C9orf153: variants seen among roughly 807,000 people sequenced by gnomAD.
C9orf153 encodes chromosome 9 open reading frame 153.
A neutral mutation model predicts 9.0 loss-of-function variants in C9orf153; 10 were observed. The observed-to-expected ratio is 1.11, with a 90% CI of 0.69 to 1.89. The LOEUF (loss-of-function observed/expected upper bound fraction) is 1.89. Ranked by LOEUF, C9orf153 falls within the 40% of genes most tolerant of loss-of-function variation. C9orf153 has a pLI of 0.00. For synonymous variants in C9orf153, 35 were observed against 37.3 expected (o/e 0.94, Z 0.23); for missense variants, 108 against 111.0 (o/e 0.97, Z 0.12).
At chr9:86,231,406 C>G (rs1421863798) in intron 1 of C9orf153, among the ~76,000 whole-genome samples, 1 of 152,050 alleles carries the variant, frequency 6.6e-6, no homozygotes, top group Admixed American at 6.6e-5. Context: ...TTTCTAGGTA[C>G]AGGGTACCAC....
At chr9:86,235,832 A>G (rs752007089) in intron 1 of C9orf153, among the ~76,000 whole-genome samples, 1 of 151,770 alleles carries the variant, frequency 6.6e-6, no homozygotes, top group Non-Finnish European at 1.5e-5. Context: ...TTGTGGGACA[A>G]TTACAAAAGG....
At chr9:86,234,799 A>G (rs930379813) in intron 1 of C9orf153, among the ~76,000 whole-genome samples, 7 of 152,230 alleles carry the variant, frequency 4.6e-5, no homozygotes, top group African/African-American at 1.7e-4. Flanking sequence ...TTTACAAATC[A>G]TACATCTGAC....
intron 1 of C9orf153, among the ~76,000 whole-genome samples, chr9:86,244,338 T>G (rs1349207870): frequency 1.3e-5 from 2 of 152,196 alleles, no homozygotes; most frequent in Non-Finnish European, 2.9e-5. Flanking sequence ...TCTCTTATAG[T>G]GCTGGGATTA....
chr9:86,227,440 C>A, intron 3 of C9orf153: 1 of 1,443,132 alleles, frequency 6.9e-7, no homozygotes, highest in African/African-American at 1.4e-5. Context: ...AACCTCAGAA[C>A]TACAAAATTG....
chr9:86,238,465 T>G (rs891996002), intron 1 of C9orf153, among the ~76,000 whole-genome samples: 1 of 152,214 alleles, frequency 6.6e-6, no homozygotes, highest in African/African-American at 2.4e-5. Flanking sequence ...TTAAGTTAGA[T>G]GCCAATAACA....
intron 1 of C9orf153, among the ~76,000 whole-genome samples, chr9:86,250,809 C>G (rs1824977596): frequency 6.6e-6 from 1 of 152,132 alleles, no homozygotes; most frequent in Non-Finnish European, 1.5e-5. Flanking sequence ...AACGTAGGAA[C>G]AAAGGGAAAG....
chr9:86,247,981 C>CA (rs1824906265), intron 1 of C9orf153, among the ~76,000 whole-genome samples: 1 of 152,194 alleles, frequency 6.6e-6, no homozygotes, highest in Non-Finnish European at 1.5e-5. Context: ...TGGTGGGACT[C>CA]ACGGACTTTG....
At chr9:86,222,134 C>T (rs553347911) in intron 3 of C9orf153, among the ~76,000 whole-genome samples, 88 of 152,164 alleles carry the variant, frequency 5.8e-4, no homozygotes, top group Non-Finnish European at 8.5e-4. Flanking sequence ...GTGATCCACC[C>T]GCCTCAGACT....
chr9:86,254,351 CTT>C (rs887753732), intron 1 of C9orf153, among the ~76,000 whole-genome samples: 110 of 152,254 alleles, frequency 7.2e-4, no homozygotes, highest in African/African-American at 2.5e-3. Context: ...ATTTTGCTGA[CTT>C]GGAATTATTA....
chr9:86,229,398 A>G (rs1824412719), intron 2 of C9orf153, 140 bp downstream of exon 2: 1 of 583,700 alleles, frequency 1.7e-6, no homozygotes, highest in East Asian at 3.0e-5. Context: ...GTGACTAAGA[A>G]TGTTAAGTCA....
chr9:86,244,107 T>C (rs1824811578), intron 1 of C9orf153, among the ~76,000 whole-genome samples: 2 of 152,208 alleles, frequency 1.3e-5, no homozygotes, highest in Admixed American at 1.3e-4. Context: ...TGCTGAAGTA[T>C]GAAAACAGAA....
intron 3 of C9orf153, 44 bp downstream of exon 3, chr9:86,227,811 G>A: frequency 6.3e-7 from 1 of 1,575,778 alleles, no homozygotes; most frequent in African/African-American, 1.4e-5. Context: ...CGGTAGAGGA[G>A]CTCAATCATG....
At chr9:86,223,825 A>C (rs1380194194) in intron 3 of C9orf153, among the ~76,000 whole-genome samples, 1 of 152,216 alleles carries the variant, frequency 6.6e-6, no homozygotes, top group Non-Finnish European at 1.5e-5. Context: ...CAAAAGCTAC[A>C]CACAAAAAAA....
chr9:86,252,209 AT>A (rs2131206391), intron 1 of C9orf153, among the ~76,000 whole-genome samples: 1 of 151,960 alleles, frequency 6.6e-6, no homozygotes, highest in South Asian at 2.1e-4. Flanking sequence ...TAATTTTTGT[AT>A]TTTTGGTAGA....
chr9:86,231,941 C>T (rs1171476105), intron 1 of C9orf153, among the ~76,000 whole-genome samples: 1 of 152,130 alleles, frequency 6.6e-6, no homozygotes, highest in Non-Finnish European at 1.5e-5. Context: ...GTTGCCTTCT[C>T]CCATCACCAA....
At chr9:86,234,919 G>A (rs747570700) in intron 1 of C9orf153, among the ~76,000 whole-genome samples, 37 of 152,180 alleles carry the variant, frequency 2.4e-4, no homozygotes, top group African/African-American at 8.7e-4. Context: ...CCTCTGGCAT[G>A]CAAGGAGCTT....
At chr9:86,255,852 C>G (rs1397865539) in intron 1 of C9orf153, among the ~76,000 whole-genome samples, 1 of 152,140 alleles carries the variant, frequency 6.6e-6, no homozygotes, top group African/African-American at 2.4e-5. Flanking sequence ...TTGGCTCCTA[C>G]AGGGGTGTTG....
In C9orf153 at chr9:86,241,539, CA is replaced by C. The variant is rs1267516560; in HGVS notation, c.-26-11911del. On this transcript the variant is annotated intron_variant, in intron 1 of 3. Transcript: ENST00000339137. ...GAGGCATGTATTACAGGACGTCAAG[CA>C]AGGAGACTTGGGCGATTCTCATGCT... Among the ~76,000 whole-genome samples, 3 of 152,326 alleles carry C rather than the reference CA, an allele frequency of 2.0e-5. No homozygotes were observed. In the East Asian group the frequency reaches 5.8e-4, roughly 29 times the overall value.
At chr9:86,256,003 C>T (rs2131211235) in intron 1 of C9orf153, among the ~76,000 whole-genome samples, 1 of 152,352 alleles carries the variant, frequency 6.6e-6, no homozygotes, top group African/African-American at 2.4e-5. Flanking sequence ...TTATCAGCTG[C>T]CTCTGTAAGA....
Sources: gnomAD v4.1 joint callset for allele counts (sites outside exome capture counted in the v4.1 genomes callset) on GRCh38, gnomAD v4.1.1 for gene constraint, MANE v1.5 for transcripts, NCBI Gene and HGNC (gene_info 2026-07-23, HGNC 2026-07-21) for gene names.